The following FSTL5 variants were observed in gnomAD, a reference collection of about 807,000 sequenced individuals.
FSTL5 encodes the protein follistatin like 5, also known as follistatin-related protein 5.
FSTL5 carries 62 observed loss-of-function variants against 89.1 expected under a neutral mutation model. The ratio of observed to expected loss-of-function variants is 0.70; its 90% CI spans 0.57 to 0.86. FSTL5 has a LOEUF of 0.86. Ranked by LOEUF, FSTL5 falls within the 40% of genes least tolerant of loss-of-function variation. The pLI, the probability that FSTL5 is intolerant of heterozygous loss-of-function variation, is 0.00. For synonymous variants in FSTL5, 383 were observed against 346.2 expected, an observed-to-expected ratio of 1.11 and a Z score of -1.18; for missense variants, 1,057 against 1,001.6, an observed-to-expected ratio of 1.06 and a Z score of -0.75.
chr4:161,922,143 A>G (rs980415992), intron 3 of FSTL5, among the ~76,000 whole-genome samples: 9 of 151,998 alleles, frequency 5.9e-5, no homozygotes, highest in African/African-American at 2.2e-4. Context: ...TAGCAGTGAA[A>G]ATTAGAACAA....
chr4:161,907,107 T>C (rs1344363708), intron 4 of FSTL5, among the ~76,000 whole-genome samples: 1 of 152,134 alleles, frequency 6.6e-6, no homozygotes, highest in Non-Finnish European at 1.5e-5. Flanking sequence ...GGCATATTTT[T>C]CCCTAGGATT....
At chr4:161,952,229 GA>G (rs1734915694) in intron 3 of FSTL5, among the ~76,000 whole-genome samples, 1 of 151,794 alleles carries the variant, frequency 6.6e-6, no homozygotes, top group Non-Finnish European at 1.5e-5. Context: ...CTTTTTGATA[GA>G]AAAAACTTTT....
At chr4:161,968,968 AGC>A in intron 3 of FSTL5, among the ~76,000 whole-genome samples, 1 of 55,414 alleles carries the variant, frequency 1.8e-5, no homozygotes, top group Non-Finnish European at 4.6e-5. Context: ...CACTCACATA[AGC>A]ACACACACAC....
chr4:162,077,568 A>C (rs1182595492), intron 2 of FSTL5, among the ~76,000 whole-genome samples: 1 of 151,870 alleles, frequency 6.6e-6, no homozygotes, highest in African/African-American at 2.4e-5. Flanking sequence ...CTGACTAAGG[A>C]GGAGGTAGCT....
At chr4:161,557,258 A>G (rs1732426982) in intron 8 of FSTL5, among the ~76,000 whole-genome samples, 1 of 151,420 alleles carries the variant, frequency 6.6e-6, no homozygotes, top group Admixed American at 6.6e-5. Flanking sequence ...AAAACTTGCT[A>G]AACAAAGATA....
intron 3 of FSTL5, among the ~76,000 whole-genome samples, chr4:161,925,791 TTA>T (rs113062265): frequency 0.35 from 52,335 of 151,456 alleles, 9,051 homozygotes; most frequent in South Asian, 0.41. Context: ...ACAGCTCTTG[TTA>T]TTATTATAAG....
intron 15 of FSTL5, among the ~76,000 whole-genome samples, chr4:161,401,325 G>A (rs1731171630): frequency 6.6e-6 from 1 of 152,140 alleles, no homozygotes; most frequent in Admixed American, 6.6e-5. Flanking sequence ...GAAGAAAGTA[G>A]AAATAGAAAA....
At chr4:162,023,753 G>A (rs1737180457) in intron 3 of FSTL5, among the ~76,000 whole-genome samples, 1 of 152,114 alleles carries the variant, frequency 6.6e-6, no homozygotes, top group Non-Finnish European at 1.5e-5. Context: ...AGCTTTTAAA[G>A]GTCCATCATA....
chr4:161,952,018 A>T (rs1734909920), intron 3 of FSTL5, among the ~76,000 whole-genome samples: 1 of 152,032 alleles, frequency 6.6e-6, no homozygotes, highest in Non-Finnish European at 1.5e-5. Context: ...TTACTCAGTG[A>T]TGGTAATGAA....
At chr4:161,959,201 T>C (rs1229728404) in intron 3 of FSTL5, among the ~76,000 whole-genome samples, 1 of 152,126 alleles carries the variant, frequency 6.6e-6, no homozygotes, top group South Asian at 2.1e-4. Flanking sequence ...CATTTTCTTA[T>C]TGTAAAATCA....
At chr4:162,158,634 G>A (rs187119204) in intron 1 of FSTL5, among the ~76,000 whole-genome samples, 124 of 152,042 alleles carry the variant, frequency 8.2e-4, no homozygotes, top group Non-Finnish European at 1.4e-3. Flanking sequence ...ATTCCTAGTT[G>A]TGTGACCATA....
chr4:161,940,519 A>C (rs1192440582), intron 3 of FSTL5, among the ~76,000 whole-genome samples: 1 of 151,658 alleles, frequency 6.6e-6, no homozygotes, highest in African/African-American at 2.4e-5. Flanking sequence ...AACAGAGAGA[A>C]ACAACTTGCC....
intron 2 of FSTL5, among the ~76,000 whole-genome samples, chr4:162,081,570 G>A (rs924969224): frequency 6.6e-6 from 1 of 151,542 alleles, no homozygotes; most frequent in African/African-American, 2.4e-5. Flanking sequence ...TCATGCTTTT[G>A]CCATGGGAAT....
At chr4:161,555,671 T>C (rs1453726835) in intron 8 of FSTL5, among the ~76,000 whole-genome samples, 2 of 151,512 alleles carry the variant, frequency 1.3e-5, no homozygotes, top group Non-Finnish European at 3.0e-5. Context: ...GATTTCTCCA[T>C]TTGTAAAATT....
At chr4:162,086,337 AT>A (rs1159076390) in intron 2 of FSTL5, among the ~76,000 whole-genome samples, 2 of 148,984 alleles carry the variant, frequency 1.3e-5, no homozygotes, top group Non-Finnish European at 3.0e-5. Context: ...ATCTTTCTTT[AT>A]TTCATTCTCT....
In FSTL5 at chr4:162,017,188, C is replaced by T. The variant is rs533999495; in HGVS notation, c.160+16437G>A. 1.5e-3 allele frequency among the ~76,000 whole-genome samples: 229 copies of T among 152,282 alleles called. 1 individual carries two copies. The highest frequency in any genetic ancestry group is 5.2e-3 in the African/African-American group (218 of 41,562). ...TTTGTCCTGCTGTAATTATGATCAT[C>T]GGACCTGTGGTGTGCAGACCACATA... On this transcript the variant is annotated intron_variant, in intron 3 of 15. Transcript: ENST00000306100.
intron 3 of FSTL5, among the ~76,000 whole-genome samples, chr4:162,030,932 A>G (rs1737497117): frequency 6.6e-6 from 1 of 152,188 alleles, no homozygotes; most frequent in Non-Finnish European, 1.5e-5. Flanking sequence ...TATGTTCCTC[A>G]AAGGAAAACA....
intron 7 of FSTL5, among the ~76,000 whole-genome samples, chr4:161,599,752 A>G (rs1734158657): frequency 1.3e-5 from 2 of 152,246 alleles, no homozygotes; most frequent in South Asian, 2.1e-4. Flanking sequence ...AAAATTTGCA[A>G]ATATATTAAG....
chr4:161,801,812 G>C (rs1729802938), intron 4 of FSTL5, among the ~76,000 whole-genome samples: 1 of 151,538 alleles, frequency 6.6e-6, no homozygotes, highest in South Asian at 2.1e-4. Context: ...GATGAGTTGT[G>C]ATTGAAATGT....
Sources: gnomAD v4.1 joint callset for allele counts (sites outside exome capture counted in the v4.1 genomes callset) on GRCh38, gnomAD v4.1.1 for gene constraint, MANE v1.5 for transcripts, NCBI Gene and HGNC (gene_info 2026-07-23, HGNC 2026-07-21) for gene names.